Variants in RFC1 observed in about 807,000 individuals in gnomAD.
The protein encoded by RFC1 is replication factor C subunit 1, also known as A1 140 kDa subunit.
RFC1 carries 37 observed loss-of-function variants against 137.4 expected under a neutral mutation model. The ratio of observed to expected loss-of-function variants is 0.27; its 90% CI spans 0.21 to 0.35. The LOEUF (loss-of-function observed/expected upper bound fraction) is 0.35. Among genes scored for constraint, RFC1 ranks in the 10% least tolerant of loss-of-function variants. The pLI is 1.00. For synonymous variants in RFC1, 429 were observed against 455.7 expected (o/e 0.94, Z 0.75); for missense variants, 1,205 against 1,358.5 (o/e 0.89, Z 1.78).
intron 22 of RFC1, 49 bp downstream of exon 22, chr4:39,295,565 C>A: frequency 6.6e-7 from 1 of 1,514,550 alleles, no homozygotes; most frequent in Non-Finnish European, 9.0e-7. Context: ...GGATAAAGGC[C>A]AAATACACCA....
chr4:39,361,073 GA>G (rs889590266), intron 1 of RFC1, among the ~76,000 whole-genome samples: 3 of 151,898 alleles, frequency 2.0e-5, no homozygotes, highest in African/African-American at 7.3e-5. Context: ...TGGGAACACA[GA>G]AAAAAAATCA....
At chr4:39,363,734 A>G (rs936047125) in intron 1 of RFC1, among the ~76,000 whole-genome samples, 1 of 151,994 alleles carries the variant, frequency 6.6e-6, no homozygotes, top group African/African-American at 2.4e-5. Flanking sequence ...CTAAAAATAA[A>G]AAAATAAAAT....
intron 2 of RFC1, 77 bp from the exon 3 acceptor site, chr4:39,345,553 C>T: frequency 3.4e-6 from 4 of 1,162,540 alleles, no homozygotes; most frequent in Non-Finnish European, 4.9e-6. Flanking sequence ...CGGAGTCTCA[C>T]TCTGTCATCC....
intron 2 of RFC1, among the ~76,000 whole-genome samples, chr4:39,351,031 A>T (rs941786212): frequency 6.6e-6 from 1 of 152,054 alleles, no homozygotes; most frequent in African/African-American, 2.4e-5. Flanking sequence ...CGGGCAGATC[A>T]CGAGGTCAGG....
chr4:39,343,510 G>A (rs1431960011), intron 3 of RFC1, among the ~76,000 whole-genome samples: 1 of 152,120 alleles, frequency 6.6e-6, no homozygotes, highest in Non-Finnish European at 1.5e-5. Flanking sequence ...TCAGAACAAA[G>A]TGTGAGTACC....
intron 22 of RFC1, among the ~76,000 whole-genome samples, chr4:39,294,832 A>G (rs1051113699): frequency 2.0e-5 from 3 of 152,146 alleles, no homozygotes; most frequent in African/African-American, 4.8e-5. Context: ...ATGAAACCCC[A>G]TATCTACCAA....
At position 39,365,724 on chromosome 4, in the gene RFC1, C is replaced by T. The variant is rs369722070; in HGVS notation, c.3+515G>A. On this transcript the variant is annotated intron_variant, in intron 1 of 24. Coordinates refer to ENST00000349703, the MANE Select transcript of RFC1 (RefSeq NM_002913.5). ...CTCTCCATGCCCTCGGTCTCAACACCGCTCAGGTGATCGTTAATGACGAGC... is the reference window on the plus strand; with the variant it reads ...CTCTCCATGCCCTCGGTCTCAACACTGCTCAGGTGATCGTTAATGACGAGC... 2.8e-3 allele frequency among the ~76,000 whole-genome samples: 428 copies of T among 152,272 alleles called. 2 individuals are homozygous for T. The highest frequency in any genetic ancestry group is 9.8e-3 in the African/African-American group (407 of 41,566).
chr4:39,341,632 A>G (rs1389743843), intron 4 of RFC1: 1 of 456,230 alleles, frequency 2.2e-6, no homozygotes, highest in South Asian at 1.5e-5. Flanking sequence ...CCTTTCACGT[A>G]CAGCATCCCG....
intron 12 of RFC1, among the ~76,000 whole-genome samples, chr4:39,310,670 GC>G (rs1490040329): frequency 6.6e-6 from 1 of 152,156 alleles, no homozygotes; most frequent in Admixed American, 6.6e-5. Context: ...GACCCTCCCT[GC>G]CCATAGTTTA....
At chr4:39,337,595 CAAAA>C (rs1740423324) in intron 4 of RFC1, among the ~76,000 whole-genome samples, 1 of 151,788 alleles carries the variant, frequency 6.6e-6, no homozygotes, top group African/African-American at 2.4e-5. Flanking sequence ...CAAGTATAAT[CAAAA>C]AAATACAATA....
At chr4:39,315,946 C>T (rs1165327925) in intron 10 of RFC1, among the ~76,000 whole-genome samples, 2 of 152,162 alleles carry the variant, frequency 1.3e-5, no homozygotes, top group Admixed American at 1.3e-4. Context: ...AAAATTCCTT[C>T]TCGGCCGGGC....
chr4:39,301,818 T>C (rs1418276123), intron 19 of RFC1, among the ~76,000 whole-genome samples: 9 of 152,164 alleles, frequency 5.9e-5, no homozygotes, highest in Admixed American at 6.5e-5. Context: ...TAAGAAAGTG[T>C]ATTAACTTTT....
At chr4:39,365,729 A>G (rs572760231) in intron 1 of RFC1, among the ~76,000 whole-genome samples, 6 of 152,320 alleles carry the variant, frequency 3.9e-5, no homozygotes, top group African/African-American at 1.2e-4. Context: ...AACACCGCTC[A>G]GGTGATCGTT....
At chr4:39,335,518 C>A (rs1005721582) in intron 4 of RFC1, among the ~76,000 whole-genome samples, 1 of 152,002 alleles carries the variant, frequency 6.6e-6, no homozygotes, top group Admixed American at 6.6e-5. Context: ...TTTTATAATT[C>A]GTGGGGTCTA....
intron 6 of RFC1, among the ~76,000 whole-genome samples, chr4:39,325,912 T>C (rs566648893): frequency 1.3e-5 from 2 of 152,278 alleles, no homozygotes; most frequent in South Asian, 4.1e-4. Context: ...ATCCACCAAG[T>C]CATGTCACTT....
chr4:39,299,409 T>A (rs1389046791), intron 21 of RFC1, among the ~76,000 whole-genome samples: 1 of 152,058 alleles, frequency 6.6e-6, no homozygotes, highest in East Asian at 1.9e-4. Context: ...TCTCCCCGAC[T>A]GAGCTGGTCT....
intron 10 of RFC1, among the ~76,000 whole-genome samples, chr4:39,314,618 T>G (rs912159656): frequency 1.3e-5 from 2 of 151,874 alleles, no homozygotes; most frequent in Non-Finnish European, 2.9e-5. Context: ...TTGTTTGGTC[T>G]CTCATACCCA....
At chr4:39,311,810 G>C (rs1428473150) in intron 11 of RFC1, among the ~76,000 whole-genome samples, 3 of 152,220 alleles carry the variant, frequency 2.0e-5, no homozygotes, top group African/African-American at 4.8e-5. Flanking sequence ...TTTGTGGACT[G>C]CTTTACCTTT....
At chr4:39,351,047 G>A (rs558935461) in intron 2 of RFC1, among the ~76,000 whole-genome samples, 22 of 151,934 alleles carry the variant, frequency 1.4e-4, no homozygotes, top group African/African-American at 5.1e-4. Flanking sequence ...TCAGGAGATC[G>A]AGACCATCCT....
Sources: gnomAD v4.1 joint callset for allele counts (sites outside exome capture counted in the v4.1 genomes callset) on GRCh38, gnomAD v4.1.1 for gene constraint, MANE v1.5 for transcripts, NCBI Gene and HGNC (gene_info 2026-07-23, HGNC 2026-07-21) for gene names.